Variants in FGF2 observed in about 807,000 individuals in gnomAD.
FGF2 encodes fibroblast growth factor 2, also known as basic fibroblast growth factor bFGF.
In FGF2, 13 loss-of-function variants were observed where a neutral mutation model predicts 15.9. That is an observed-to-expected ratio of 0.82 (90% CI 0.53 to 1.30). The LOEUF (loss-of-function observed/expected upper bound fraction) is 1.30, where lower values mean the gene tolerates loss of function less well. Among genes scored for constraint, FGF2 ranks in the 50% most tolerant of loss-of-function variants. The probability of loss-of-function intolerance (pLI) is 0.00; values close to 1 mark genes in which losing one functional copy is unlikely to be tolerated. For synonymous variants in FGF2, 90 were observed against 78.4 expected, an observed-to-expected ratio of 1.15 and a Z score of -0.78; for missense variants, 163 against 196.9, an observed-to-expected ratio of 0.83 and a Z score of 1.03.
At chr4:122,887,322 A>G (rs576563927) in intron 2 of FGF2, among the ~76,000 whole-genome samples, 1 of 152,224 alleles carries the variant, frequency 6.6e-6, no homozygotes, top group Admixed American at 6.5e-5. Flanking sequence ...TCAAAACAAA[A>G]CAAAACAAAA....
chr4:122,848,460 T>C (rs1726161082), intron 1 of FGF2, among the ~76,000 whole-genome samples: 1 of 152,218 alleles, frequency 6.6e-6, no homozygotes, highest in South Asian at 2.1e-4. Context: ...GATGTGGAGA[T>C]GTTGTGGGCT....
chr4:122,893,011 C>T lies in FGF2; in HGVS notation c.*615C>T. Reference sequence around the variant, plus strand: ...TGGTGATGGGAGTTGTATTTTCAGTCTTCGCCAGGTCATTGAGATCCATCC... The same window carrying T: ...TGGTGATGGGAGTTGTATTTTCAGTTTTCGCCAGGTCATTGAGATCCATCC... On this transcript the variant is annotated 3_prime_UTR_variant, in exon 3 of 3. Transcript: ENST00000644866. The T allele has an allele frequency of 1.9e-6, 3 of 1,614,162 alleles. No individual in the cohort carries two copies. Among genetic ancestry groups the T allele is most frequent in the Non-Finnish European group, 2.5e-6 (3 of 1,180,032 alleles).
intron 1 of FGF2, among the ~76,000 whole-genome samples, chr4:122,854,222 A>G (rs28544074): frequency 0.079 from 12,094 of 152,322 alleles, 548 homozygotes; most frequent in African/African-American, 0.11. Context: ...AAACATAGAA[A>G]GGCATTCGCC....
Position 122,897,711 on chromosome 4 carries a change from TA to T in FGF2, c.*5317del. ...ATAAAGTCAGAAAATAAAGTTAACA[TA>T]ACTTTCACTAACACACACATATGTA... On this transcript the variant is annotated 3_prime_UTR_variant, in exon 3 of 3. Transcript: ENST00000644866. The T allele has an allele frequency of 7.7e-7, 1 of 1,294,478 alleles. No homozygotes were observed. The highest frequency in any genetic ancestry group is 1.1e-6 in the Non-Finnish European group (1 of 888,342). The allele number at this position is 1,294,478 out of a possible 1,614,324, so 80.2% of individuals were successfully genotyped here.
chr4:122,886,315 A>G (rs958898510), intron 2 of FGF2, among the ~76,000 whole-genome samples: 1 of 152,170 alleles, frequency 6.6e-6, no homozygotes, highest in Non-Finnish European at 1.5e-5. Flanking sequence ...GGTATATGTT[A>G]TCTTCATGAC....
chr4:122,847,154 A>AT (rs1484278487), intron 1 of FGF2, among the ~76,000 whole-genome samples: 4 of 152,254 alleles, frequency 2.6e-5, no homozygotes, highest in African/African-American at 9.6e-5. Flanking sequence ...ATTATCTTGA[A>AT]TTCACTGTCT....
chr4:122,827,416 C>T lies in FGF2; in HGVS notation c.178+64C>T. 2.6e-6 allele frequency: 4 copies of T among 1,557,190 alleles called. No individual in the cohort carries two copies. The highest frequency in any genetic ancestry group is 2.2e-5 in the South Asian group (2 of 89,252). Reference sequence around the variant, plus strand: ...CGTGGGTTCTCGCCCGCTCTCTCCCCTCCAGCCTGCACCCTCCTCCCGGAT... The same window carrying T: ...CGTGGGTTCTCGCCCGCTCTCTCCCTTCCAGCCTGCACCCTCCTCCCGGAT... On this transcript the variant is annotated intron_variant, in intron 1 of 2. Transcript: ENST00000644866. This position sits in a 1 kb window ranked among gnomAD's most constrained non-coding sequence, Gnocchi z 4.2.
intron 2 of FGF2, among the ~76,000 whole-genome samples, chr4:122,881,463 C>T (rs1040327910): frequency 4.6e-5 from 7 of 152,286 alleles, no homozygotes; most frequent in South Asian, 4.2e-4. Flanking sequence ...ACATTTCTTC[C>T]GCCAGATACC....
intron 1 of FGF2, among the ~76,000 whole-genome samples, chr4:122,869,837 T>A (rs1726691186): frequency 6.6e-6 from 1 of 152,198 alleles, no homozygotes; most frequent in Non-Finnish European, 1.5e-5. Context: ...TTTCTTTCTC[T>A]TGCCTGATTT....
intron 2 of FGF2, among the ~76,000 whole-genome samples, chr4:122,889,811 A>C (rs1560759567): frequency 6.6e-6 from 1 of 152,168 alleles, no homozygotes; most frequent in African/African-American, 2.4e-5. Flanking sequence ...TTTTCTCTGA[A>C]ATATTAGGAA....
intron 1 of FGF2, among the ~76,000 whole-genome samples, chr4:122,875,764 G>A (rs999641288): frequency 1.3e-5 from 2 of 152,210 alleles, no homozygotes; most frequent in Admixed American, 1.3e-4. Context: ...CCGTGATTGT[G>A]CCACTGCACT....
In FGF2 at chr4:122,841,030, G is replaced by A. The variant is rs74486747; in HGVS notation, c.178+13678G>A. Among the ~76,000 whole-genome samples the A allele has an allele frequency of 2.9e-3, 445 of 152,296 alleles. 1 individual carries two copies. Among genetic ancestry groups the A allele is most frequent in the Non-Finnish European group, 4.1e-3 (278 of 68,024 alleles). ...GATAACAGAGTAAGTAGTAACTAGGGTGCTACAATGGGAGAGTCATAATAT... is the reference window on the plus strand; with the variant it reads ...GATAACAGAGTAAGTAGTAACTAGGATGCTACAATGGGAGAGTCATAATAT... On this transcript the variant is annotated intron_variant, in intron 1 of 2. Transcript: ENST00000644866.
At position 122,868,870 on chromosome 4, in the gene FGF2, G is replaced by A. The variant is rs535295057; in HGVS notation, c.179-7451G>A. On this transcript the variant is annotated intron_variant, in intron 1 of 2. Transcript: ENST00000644866. ...GATTTGCATTTCTCTGATGATCAGT[G>A]ATGTTGAGCTTTTTTCCTTATGTTT... Among the ~76,000 whole-genome samples the A allele has an allele frequency of 2.0e-5, 3 of 152,304 alleles. No individual in the cohort carries two copies. In the South Asian group the frequency reaches 6.2e-4, roughly 32 times the overall value.
rs747380347 is a variant in FGF2 at position 122,892,415 on chromosome 4, A to G, written c.*19A>G. 7.4e-6 allele frequency: 12 copies of G among 1,612,398 alleles called. No individual in the cohort carries two copies. The African/African-American group carries it at 8.0e-5, about 11-fold the overall frequency. ...GAGCTGATTTTAATGGCCACATCTA[A>G]TCTCATTTCACATGAAAGAAGAAGT... On this transcript the variant is annotated 3_prime_UTR_variant, in exon 3 of 3. Coordinates refer to ENST00000644866, the MANE Select transcript of FGF2 (RefSeq NM_001361665.2).
intron 1 of FGF2, among the ~76,000 whole-genome samples, chr4:122,869,444 G>A (rs115567839): frequency 0.014 from 2,170 of 152,258 alleles, 55 homozygotes; most frequent in African/African-American, 0.049. Context: ...CCATTTTCAC[G>A]ATAGTGATTC....
rs898699814 is a variant in FGF2 at position 122,892,743 on chromosome 4, A to G, written c.*347A>G. On this transcript the variant is annotated 3_prime_UTR_variant, in exon 3 of 3. Transcript: ENST00000644866. The stretch of plus-strand genomic sequence containing the variant: ...GAAATCATATACATTAGAAAATCAC[A>G]GTCAGATGTTTAATCAATCCAAAAT... The G allele has an allele frequency of 3.0e-6, 4 of 1,352,804 alleles. No homozygotes were observed. In the African/African-American group the frequency reaches 4.4e-5, roughly 15 times the overall value. 83.8% of individuals were successfully genotyped at this position (1,352,804 alleles called of 1,614,324 possible).
At chr4:122,891,434 T>A (rs1727186212) in intron 2 of FGF2, among the ~76,000 whole-genome samples, 1 of 151,730 alleles carries the variant, frequency 6.6e-6, no homozygotes, top group African/African-American at 2.4e-5. Context: ...CTTTTTTTTT[T>A]TTTTTTGATA....
intron 2 of FGF2, among the ~76,000 whole-genome samples, chr4:122,878,815 T>C (rs967949002): frequency 3.3e-5 from 5 of 151,972 alleles, no homozygotes; most frequent in Non-Finnish European, 5.9e-5. Flanking sequence ...GGACTGAAGA[T>C]GAAAGAAAAG....
At chr4:122,892,136 T>C (rs1727204068) in intron 2 of FGF2, 75 bp from the exon 3 acceptor site, 2 of 1,260,024 alleles carry the variant, frequency 1.6e-6, no homozygotes, top group Non-Finnish European at 2.3e-6. Context: ...CATTATACTA[T>C]CATAAATATT....
Sources: allele counts gnomAD v4.1 joint callset (sites outside exome capture counted in the v4.1 genomes callset), GRCh38; gene constraint gnomAD v4.1.1; non-coding constraint Gnocchi (gnomAD v3.1); transcripts MANE v1.5; gene names NCBI Gene and HGNC (gene_info 2026-07-23, HGNC 2026-07-21).